MTHFD1L: variants seen among roughly 807,000 people sequenced by gnomAD.
The protein encoded by MTHFD1L is methylenetetrahydrofolate dehydrogenase (NADP+ dependent) 1 like, also known as monofunctional C1-tetrahydrofolate synthase, mitochondrial.
A neutral mutation model predicts 119.5 loss-of-function variants in MTHFD1L; 81 were observed. That is an observed-to-expected ratio of 0.68 (90% confidence interval 0.57 to 0.82). MTHFD1L has a LOEUF of 0.82. Among genes scored for constraint, MTHFD1L ranks in the 40% least tolerant of loss-of-function variants. MTHFD1L has a pLI of 0.00. For synonymous variants in MTHFD1L, 430 were observed against 475.2 expected (o/e 0.90, Z 1.24); for missense variants, 1,125 against 1,253.4 (o/e 0.90, Z 1.55).
intron 26 of MTHFD1L, among the ~76,000 whole-genome samples, chr6:151,068,276 T>C (rs150647568): frequency 6.9e-4 from 105 of 152,352 alleles, no homozygotes; most frequent in African/African-American, 2.3e-3. Flanking sequence ...AACAGCCACA[T>C]TGTGATTTTG....
At chr6:150,890,152 G>A (rs1306529746) in intron 7 of MTHFD1L, among the ~76,000 whole-genome samples, 1 of 151,796 alleles carries the variant, frequency 6.6e-6, no homozygotes, top group African/African-American at 2.4e-5. Context: ...ACGAAACTCC[G>A]TCTCAAAAAA....
At chr6:150,916,171 T>C (rs1326485457) in intron 8 of MTHFD1L, among the ~76,000 whole-genome samples, 1 of 152,130 alleles carries the variant, frequency 6.6e-6, no homozygotes, top group Non-Finnish European at 1.5e-5. Flanking sequence ...GAAAATAGTG[T>C]CTTCAAAAAT....
At position 150,865,713 on chromosome 6, in the gene MTHFD1L, A is replaced by G. The variant is rs1778176334; in HGVS notation, c.-110A>G. 4 of 873,452 alleles carry G rather than the reference A, an allele frequency of 4.6e-6. No individual in the cohort carries two copies. Among genetic ancestry groups the G allele is most frequent in the South Asian group, 5.5e-5 (2 of 36,476 alleles). The allele number at this position is 873,452 out of a possible 1,614,324, so 54.1% of individuals were successfully genotyped here. A position where few individuals can be genotyped will look rare whatever the true frequency, so the allele number is the denominator to read the frequency against. On this transcript the variant is annotated 5_prime_UTR_variant, in exon 1 of 28. Transcript: ENST00000367321. ...GCCCCTGGGACGAGGAGGAAGCGCC[A>G]GGTCCTTCCCGCCGCCGCCGCCGCC...
intron 20 of MTHFD1L, among the ~76,000 whole-genome samples, chr6:150,990,277 C>CAA (rs201758591): frequency 0.031 from 3,913 of 125,908 alleles, 173 homozygotes; most frequent in Admixed American, 0.16. Flanking sequence ...GATTCTGTCT[C>CAA]AAAAAAAAAA....
At chr6:150,992,146 C>T (rs984023384) in intron 20 of MTHFD1L, among the ~76,000 whole-genome samples, 1 of 150,212 alleles carries the variant, frequency 6.7e-6, no homozygotes, top group Non-Finnish European at 1.5e-5. Flanking sequence ...AAAGAGTGGA[C>T]AAATTGTTAT....
In MTHFD1L at chr6:150,968,885, G is replaced by C. The variant is rs1489790230; in HGVS notation, c.2014-3062G>C. On this transcript the variant is annotated intron_variant, in intron 19 of 27. Transcript: ENST00000367321. ...TTTTTTGAAACGGAGTTTTGCTCTT[G>C]TTGCCCAGGCTGGAGTGCAATGGTG... 8.4e-4 allele frequency among the ~76,000 whole-genome samples: 74 copies of C among 88,194 alleles called. No individual in the cohort carries two copies. The Admixed American group carries it at 9.1e-3, about 11-fold the overall frequency. 57.9% of individuals were successfully genotyped at this position (88,194 alleles called of 152,430 possible). A position where few individuals can be genotyped will look rare whatever the true frequency, so the allele number is the denominator to read the frequency against.
At chr6:150,894,634 G>A (rs961987462) in intron 7 of MTHFD1L, among the ~76,000 whole-genome samples, 6 of 152,104 alleles carry the variant, frequency 3.9e-5, no homozygotes, top group Admixed American at 6.5e-5. Context: ...CAAACATGTC[G>A]GCTGGAGATC....
At chr6:151,037,212 T>C in intron 26 of MTHFD1L, 95 bp downstream of exon 26, 1 of 1,345,332 alleles carries the variant, frequency 7.4e-7, no homozygotes, top group Non-Finnish European at 1.0e-6. Context: ...AAATCATGGA[T>C]TAGGGAAAAT....
At chr6:151,010,305 C>T (rs757829893) in intron 21 of MTHFD1L, among the ~76,000 whole-genome samples, 2 of 152,126 alleles carry the variant, frequency 1.3e-5, no homozygotes, top group African/African-American at 2.4e-5. Context: ...ATTGTATAAC[C>T]ATATGGTAAT....
chr6:151,052,535 T>C (rs555401033), intron 26 of MTHFD1L, among the ~76,000 whole-genome samples: 4 of 152,332 alleles, frequency 2.6e-5, no homozygotes, highest in African/African-American at 9.6e-5. Flanking sequence ...GGAGCATTTA[T>C]GACTCAGGCA....
chr6:151,089,287 C>T (rs1355069325), intron 26 of MTHFD1L, among the ~76,000 whole-genome samples: 2 of 152,204 alleles, frequency 1.3e-5, no homozygotes, highest in South Asian at 4.1e-4. Context: ...TAGCTAGGCA[C>T]AGATTATAGA....
At chr6:150,888,582 A>C (rs1330447175) in intron 7 of MTHFD1L, among the ~76,000 whole-genome samples, 1 of 152,228 alleles carries the variant, frequency 6.6e-6, no homozygotes, top group Non-Finnish European at 1.5e-5. Flanking sequence ...ATAAAAGCAG[A>C]GGTATCATCT....
chr6:150,936,123 G>A (rs1554254852), intron 11 of MTHFD1L, among the ~76,000 whole-genome samples: 2 of 152,206 alleles, frequency 1.3e-5, no homozygotes, highest in Non-Finnish European at 2.9e-5. Context: ...CATATGGAAA[G>A]GGATCAGGCT....
intron 21 of MTHFD1L, among the ~76,000 whole-genome samples, chr6:151,012,790 C>G (rs948059620): frequency 6.6e-6 from 1 of 152,094 alleles, no homozygotes; most frequent in Admixed American, 6.6e-5. Flanking sequence ...AGTCCAAAAT[C>G]TGCACTGTGG....
At chr6:150,924,703 C>T (rs1432809177) in intron 10 of MTHFD1L, among the ~76,000 whole-genome samples, 2 of 152,050 alleles carry the variant, frequency 1.3e-5, no homozygotes, top group East Asian at 3.9e-4. Flanking sequence ...GTCTCAAACT[C>T]ATGGACTCAA....
Position 150,956,013 on chromosome 6 carries a change from G to A in MTHFD1L, c.1745G>A (p.Arg582Gln), listed in dbSNP as rs755133008. Residue 582 changes from arginine (R) to glutamine (Q), a missense_variant, in exon 17 of 28, where the codon CGA becomes CAA. Around this residue, in one of 3 missense-constraint regions of MTHFD1L, gnomAD observed 1,058 missense variants for 1,151.2 expected, o/e 0.92. Transcript: ENST00000367321. ...TWQRVLDTND[R>Q]FLRKITIGQG... ...CTTTCAGTATTGGATACAAATGACC[G>A]ATTTCTACGAAAAATAACCATCGGG... 3.1e-6 allele frequency: 5 copies of A among 1,614,006 alleles called. No homozygotes were observed. The highest frequency in any genetic ancestry group is 4.2e-6 in the Non-Finnish European group (5 of 1,179,878).
At chr6:150,906,364 T>G (rs1785905788) in intron 8 of MTHFD1L, among the ~76,000 whole-genome samples, 1 of 152,192 alleles carries the variant, frequency 6.6e-6, no homozygotes, top group South Asian at 2.1e-4. Flanking sequence ...CAGGCCCACT[T>G]TGGGGGCAGC....
At position 151,014,992 on chromosome 6, in the gene MTHFD1L, C is replaced by T. The variant is rs1361963674; in HGVS notation, c.2408+12C>T. The T allele has an allele frequency of 8.7e-6, 14 of 1,609,816 alleles. No individual in the cohort carries two copies. Among genetic ancestry groups the T allele is most frequent in the Non-Finnish European group, 1.0e-5 (12 of 1,176,496 alleles). ...CTGAATGTCTTCAAGTAAGTCCAGC[C>T]TCCTCCTTTAAATGTGGGCATTATC... is the stretch of plus-strand genomic sequence containing the variant. On this transcript the variant is annotated intron_variant, in intron 23 of 27. Transcript: ENST00000367321.
intron 12 of MTHFD1L, among the ~76,000 whole-genome samples, chr6:150,937,382 G>A (rs1354375475): frequency 1.3e-5 from 2 of 152,184 alleles, no homozygotes; most frequent in African/African-American, 2.4e-5. Context: ...TGGACAGCGA[G>A]TCGTGATGAA....
Sources: allele counts gnomAD v4.1 joint callset (sites outside exome capture counted in the v4.1 genomes callset), GRCh38; gene constraint gnomAD v4.1.1; regional missense constraint gnomAD v4.1.1; transcripts MANE v1.5; gene names NCBI Gene and HGNC (gene_info 2026-07-23, HGNC 2026-07-21).